The following PCDH11Y variants were observed in gnomAD, a reference collection of about 807,000 sequenced individuals.
PCDH11Y encodes protocadherin-11 Y-linked.
For synonymous variants in PCDH11Y, 9 were observed against 83.6 expected (o/e 0.11, Z 4.87); for missense variants, 12 against 224.8 (o/e 0.05, Z 6.05).
At chrY:5,378,171 A>G in intron 2 of PCDH11Y, among the ~76,000 whole-genome samples, 1 of 32,052 alleles carries the variant, frequency 3.1e-5, no homozygotes, top group African/African-American at 1.2e-4. Flanking sequence ...ATGCATCTGT[A>G]TAGTTCCTTT....
intron 2 of PCDH11Y, among the ~76,000 whole-genome samples, chrY:5,263,530 C>CA (rs2053022126): frequency 6.0e-5 from 2 of 33,362 alleles, no homozygotes; most frequent in Non-Finnish European, 1.5e-4. Flanking sequence ...ATAAGTTGCC[C>CA]AGTCTTGGAT....
chrY:5,472,548 A>T, intron 2 of PCDH11Y, among the ~76,000 whole-genome samples: 1 of 32,035 alleles, frequency 3.1e-5, no homozygotes, highest in African/African-American at 1.2e-4. Context: ...TATTTATTTT[A>T]TTCATTTGAA....
intron 4 of PCDH11Y, among the ~76,000 whole-genome samples, chrY:5,649,743 A>G (rs2053529743): frequency 6.9e-4 from 23 of 33,150 alleles, no homozygotes; most frequent in Non-Finnish European, 1.4e-3. Context: ...CCTTTTAAAG[A>G]TACTATGGCC....
intron 2 of PCDH11Y, among the ~76,000 whole-genome samples, chrY:5,168,542 CATATATATATATATATATATATAT>C (rs61386097): frequency 0.013 from 21 of 1,607 alleles, no homozygotes; most frequent in Non-Finnish European, 0.017. Flanking sequence ...TCGTAGACAT[CATATATATATATATATATATATAT>C]ATATATATAT....
downstream of PCDH11Y, among the ~76,000 whole-genome samples, chrY:5,107,847 C>T (rs2052793576): frequency 3.1e-5 from 1 of 32,738 alleles, no homozygotes; most frequent in South Asian, 6.7e-4. Flanking sequence ...ATCACGAGGT[C>T]AGGAGATCGA....
intron 2 of PCDH11Y, among the ~76,000 whole-genome samples, chrY:5,486,704 T>TATAC (rs2053332379): frequency 1.3e-4 from 1 of 7,434 alleles, no homozygotes; most frequent in Admixed American, 1.5e-3. Context: ...TATATATATA[T>TATAC]ACACATATAT....
At chrY:5,326,939 G>C in intron 2 of PCDH11Y, among the ~76,000 whole-genome samples, 2 of 33,066 alleles carry the variant, frequency 6.0e-5, no homozygotes, top group African/African-American at 2.4e-4. Flanking sequence ...AAAGGCTACA[G>C]GGTGCAGTCC....
Position 5,703,388 on chromosome Y carries a change from A to G in PCDH11Y, c.3353-33884A>G, listed in dbSNP as rs1602962260. On this transcript the variant is annotated intron_variant, in intron 4 of 4. Transcript: ENST00000400457. ...GAGAAAATTAACAAGCCAAATGTTC[A>G]TCTTTTGAAATATTTAATAAAATTT... Among the ~76,000 whole-genome samples the G allele has an allele frequency of 6.4e-3, 212 of 33,317 alleles. No homozygotes were observed. The Middle Eastern group carries it at 0.18, about 28-fold the overall frequency. 89.4% of individuals were successfully genotyped at this position (33,317 alleles called of 37,273 possible).
intron 4 of PCDH11Y, among the ~76,000 whole-genome samples, chrY:5,662,193 A>G (rs2053541477): frequency 1.1e-3 from 35 of 33,190 alleles, no homozygotes; most frequent in Admixed American, 6.7e-3. Context: ...TAATCATAAG[A>G]CATCAAAATT....
At chrY:5,244,399 C>T (rs2124655928) in intron 2 of PCDH11Y, among the ~76,000 whole-genome samples, 1 of 33,218 alleles carries the variant, frequency 3.0e-5, no homozygotes, top group African/African-American at 1.2e-4. Flanking sequence ...ACCATAACAG[C>T]ATGCAAATCC....
intron 4 of PCDH11Y, among the ~76,000 whole-genome samples, chrY:5,647,528 C>T (rs2053528218): frequency 6.1e-5 from 2 of 33,034 alleles, no homozygotes; most frequent in Non-Finnish European, 1.5e-4. Flanking sequence ...TTTTTTGAGA[C>T]GGAGTTTCGT....
chrY:5,176,678 A>G, intron 2 of PCDH11Y, among the ~76,000 whole-genome samples: 1 of 31,472 alleles, frequency 3.2e-5, no homozygotes, highest in Admixed American at 3.0e-4. Context: ...GCTAATGGTC[A>G]CCAGAGCTGG....
chrY:5,700,277 C>G, intron 4 of PCDH11Y, among the ~76,000 whole-genome samples: 1 of 33,703 alleles, frequency 3.0e-5, no homozygotes, highest in Admixed American at 2.7e-4. Flanking sequence ...TATACATAGA[C>G]AAACACTATA....
chrY:5,380,679 C>A (rs2053204242), intron 2 of PCDH11Y, among the ~76,000 whole-genome samples: 1 of 30,361 alleles, frequency 3.3e-5, no homozygotes, highest in Admixed American at 3.0e-4. Flanking sequence ...CTCCGCCGCC[C>A]GGGTTCAAGC....
At position 5,310,192 on chromosome Y, in the gene PCDH11Y, C is replaced by T. The variant is rs72617651; in HGVS notation, c.3130-190865C>T. Among the ~76,000 whole-genome samples, 941 of 30,940 alleles carry T rather than the reference C, an allele frequency of 0.03. No individual in the cohort carries two copies. In the East Asian group the frequency reaches 0.78, roughly 26 times the overall value. The allele number at this position is 30,940 out of a possible 37,273, so 83.0% of individuals were successfully genotyped here. On this transcript the variant is annotated intron_variant, in intron 2 of 4. Transcript: ENST00000400457. ...AAAAAAATGTCCAAAGAAATTCTAC[C>T]ATCTGGCATATTGAGACTTCAAAGA...
chrY:5,217,939 C>T (rs2124652042), intron 2 of PCDH11Y, among the ~76,000 whole-genome samples: 2 of 33,535 alleles, frequency 6.0e-5, no homozygotes, highest in Non-Finnish European at 7.4e-5. Flanking sequence ...GTGCTTTCAG[C>T]GGATGAACAG....
At chrY:5,423,402 T>C in intron 2 of PCDH11Y, among the ~76,000 whole-genome samples, 1 of 33,629 alleles carries the variant, frequency 3.0e-5, no homozygotes, top group African/African-American at 1.2e-4. Context: ...AACTGACATA[T>C]GATCCAACAC....
chrY:5,010,030 C>T (rs2052545825), intron 1 of PCDH11Y, among the ~76,000 whole-genome samples: 1 of 31,121 alleles, frequency 3.2e-5, no homozygotes, highest in Non-Finnish European at 7.8e-5. Flanking sequence ...TGGTGAAACC[C>T]CGTCTCTACT....
At chrY:5,238,252 C>T (rs1180443374) in intron 2 of PCDH11Y, among the ~76,000 whole-genome samples, 1 of 32,509 alleles carries the variant, frequency 3.1e-5, no homozygotes, top group South Asian at 7.0e-4. Context: ...AGAACAGAGC[C>T]CTCAGAAATA....
Sources: allele counts gnomAD v4.1 joint callset (sites outside exome capture counted in the v4.1 genomes callset), GRCh38; gene constraint gnomAD v4.1.1; transcripts MANE v1.5; gene names NCBI Gene and HGNC (gene_info 2026-07-23, HGNC 2026-07-21).